The following PCDH15 variants were observed in gnomAD, a reference collection of about 807,000 sequenced individuals.
The protein encoded by PCDH15 is protocadherin-15.
In PCDH15, 129 loss-of-function variants were observed where a neutral mutation model predicts 178.5. That is an observed-to-expected ratio of 0.72 (90% CI 0.63 to 0.84). PCDH15 has a LOEUF of 0.84. Among genes scored for constraint, PCDH15 ranks in the 40% least tolerant of loss-of-function variants. The pLI is 0.00. For synonymous variants in PCDH15, 800 were observed against 732.0 expected (o/e 1.09, Z -1.50); for missense variants, 2,230 against 2,099.9 (o/e 1.06, Z -1.21).
chr10:54,498,810 G>T (rs2080368219), intron 3 of PCDH15, among the ~76,000 whole-genome samples: 2 of 152,134 alleles, frequency 1.3e-5, no homozygotes, highest in African/African-American at 4.8e-5. Context: ...ATAAAGAAAA[G>T]AGGTTTAATT....
At chr10:54,720,012 C>T (rs1474672597) in intron 1 of PCDH15, among the ~76,000 whole-genome samples, 1 of 151,814 alleles carries the variant, frequency 6.6e-6, no homozygotes, top group Non-Finnish European at 1.5e-5. Flanking sequence ...TCACACCAGT[C>T]AGAGTGATGA....
intron 28 of PCDH15, among the ~76,000 whole-genome samples, chr10:53,842,501 C>G (rs1172058133): frequency 2.0e-5 from 3 of 152,094 alleles, no homozygotes; most frequent in South Asian, 2.1e-4. Flanking sequence ...CCCGCCTCGG[C>G]CTTTCAAAGT....
intron 2 of PCDH15, among the ~76,000 whole-genome samples, chr10:55,139,329 T>C (rs1838285937): frequency 6.6e-6 from 1 of 152,060 alleles, no homozygotes; most frequent in African/African-American, 2.4e-5. Flanking sequence ...AAATTGTGCC[T>C]TTGGTGGCAA....
At chr10:55,190,904 T>C (rs1242338860) in intron 1 of PCDH15, among the ~76,000 whole-genome samples, 2 of 148,370 alleles carry the variant, frequency 1.3e-5, no homozygotes, top group Non-Finnish European at 3.0e-5. Flanking sequence ...AAATTCATTA[T>C]TTTTTTTTGA....
chr10:54,149,672 G>A (rs544089076), intron 14 of PCDH15, among the ~76,000 whole-genome samples: 3 of 152,294 alleles, frequency 2.0e-5, no homozygotes, highest in African/African-American at 7.2e-5. Context: ...TTTACTCAGA[G>A]TGAGGTGTGA....
chr10:54,949,599 G>C lies in PCDH15; in HGVS notation c.-79-52099C>G, dbSNP rs181452605. On this transcript the variant is annotated intron_variant, in intron 2 of 5. Coordinates refer to the PCDH15 transcript ENST00000458638. Reference sequence around the variant, plus strand: ...TTCTTTTATATCGCATAGTCAAGATGCAAATTTTTCAAATTTTTATGCTCT... The same window carrying C: ...TTCTTTTATATCGCATAGTCAAGATCCAAATTTTTCAAATTTTTATGCTCT... Among the ~76,000 whole-genome samples the C allele has an allele frequency of 4.8e-3, 734 of 152,042 alleles. 18 individuals are homozygous for C. Among genetic ancestry groups the C allele is most frequent in the Admixed American group, 0.039 (592 of 15,242 alleles).
intron 3 of PCDH15, among the ~76,000 whole-genome samples, chr10:54,811,322 G>C (rs1438273970): frequency 6.6e-6 from 1 of 152,062 alleles, no homozygotes; most frequent in Non-Finnish European, 1.5e-5. Context: ...CCCAAGCACT[G>C]ATGCGGTGTT....
chr10:54,089,559 C>T (rs777222826), intron 16 of PCDH15, among the ~76,000 whole-genome samples: 5 of 152,134 alleles, frequency 3.3e-5, no homozygotes, highest in Admixed American at 3.3e-4. Flanking sequence ...TATTTTATTT[C>T]ATTGTGCTTT....
chr10:54,801,395 T>G (rs1952641131), upstream of PCDH15: 2 of 152,260 alleles, frequency 1.3e-5, no homozygotes, highest in Non-Finnish European at 2.9e-5. Context: ...GTGAGCGCTT[T>G]GCACCAATTA....
chr10:54,705,378 G>C (rs888806898), intron 1 of PCDH15, among the ~76,000 whole-genome samples: 2 of 151,998 alleles, frequency 1.3e-5, no homozygotes, highest in African/African-American at 4.8e-5. Flanking sequence ...ATTTGAATGT[G>C]GTAGAGATAT....
At chr10:55,050,042 G>A (rs1030865384) in intron 2 of PCDH15, among the ~76,000 whole-genome samples, 1 of 151,920 alleles carries the variant, frequency 6.6e-6, no homozygotes, top group Non-Finnish European at 1.5e-5. Flanking sequence ...CTGGAAGTAT[G>A]GGAAACAAAA....
At chr10:54,246,590 G>A (rs1275350732) in intron 8 of PCDH15, among the ~76,000 whole-genome samples, 1 of 151,332 alleles carries the variant, frequency 6.6e-6, no homozygotes, top group Non-Finnish European at 1.5e-5. Flanking sequence ...TTTTTCAACT[G>A]GCGATGAACT....
intron 10 of PCDH15, among the ~76,000 whole-genome samples, chr10:54,207,317 A>G (rs149585005): frequency 2.0e-5 from 3 of 152,186 alleles, no homozygotes; most frequent in Admixed American, 1.3e-4. Flanking sequence ...AGTGGAAAAT[A>G]AAAACACACG....
intron 32 of PCDH15, chr10:53,822,960 G>A: frequency 6.2e-7 from 1 of 1,613,986 alleles, no homozygotes; most frequent in Non-Finnish European, 8.5e-7. Flanking sequence ...TGGTCTATTT[G>A]GAACTTTCCT....
intron 1 of PCDH15, among the ~76,000 whole-genome samples, chr10:54,796,355 A>G (rs2133638391): frequency 6.6e-6 from 1 of 150,816 alleles, no homozygotes; most frequent in East Asian, 2.0e-4. Context: ...CTATATATCA[A>G]CCTTCCTATT....
intron 1 of PCDH15, among the ~76,000 whole-genome samples, chr10:55,230,485 T>G (rs985328518): frequency 6.6e-6 from 1 of 152,086 alleles, no homozygotes; most frequent in Non-Finnish European, 1.5e-5. Flanking sequence ...TATTCATGTG[T>G]TTAATACATT....
At chr10:54,080,366 G>A (rs917593818) in intron 16 of PCDH15, among the ~76,000 whole-genome samples, 1 of 152,134 alleles carries the variant, frequency 6.6e-6, no homozygotes, top group South Asian at 2.1e-4. Context: ...AGTTTGGCTT[G>A]CTCTCTAATG....
intron 2 of PCDH15, among the ~76,000 whole-genome samples, chr10:55,565,672 C>A (rs565361583): frequency 2.0e-5 from 3 of 151,518 alleles, no homozygotes; most frequent in African/African-American, 7.2e-5. Flanking sequence ...GCTATCAATT[C>A]TACAGAAATA....
rs537874954 is a variant in PCDH15 at position 53,956,304 on chromosome 10, G to A, written c.3122+3428C>T. On this transcript the variant is annotated intron_variant, in intron 23 of 37. Transcript: ENST00000644397. ...GGAAATGTAATCCAGCTATATGCCCGTGAGAAAAAGGATTTAGGAGGCATC... is the reference window on the plus strand; with the variant it reads ...GGAAATGTAATCCAGCTATATGCCCATGAGAAAAAGGATTTAGGAGGCATC... 5.3e-5 allele frequency among the ~76,000 whole-genome samples: 8 copies of A among 152,034 alleles called. No individual in the cohort carries two copies. The East Asian group carries it at 1.2e-3, about 22-fold the overall frequency.
Sources: gnomAD v4.1 joint callset for allele counts (sites outside exome capture counted in the v4.1 genomes callset) on GRCh38, gnomAD v4.1.1 for gene constraint, MANE v1.5 for transcripts, NCBI Gene and HGNC (gene_info 2026-07-23, HGNC 2026-07-21) for gene names.